CHODL: variants seen among roughly 807,000 people sequenced by gnomAD.
CHODL encodes chondrolectin.
In CHODL, 29 loss-of-function variants were observed where a neutral mutation model predicts 34.5. That is an observed-to-expected ratio of 0.84 (90% CI 0.63 to 1.15). CHODL has a LOEUF of 1.15. Ranked by LOEUF, CHODL falls within the 50% of genes most tolerant of loss-of-function variation. CHODL has a pLI of 0.00. For missense variants in CHODL, 332 were observed against 332.5 expected (o/e 1.00, Z 0.01); for synonymous variants, 125 against 116.1 (o/e 1.08, Z -0.49).
chr21:18,187,704 T>C (rs1158708280), intron 2 of CHODL, among the ~76,000 whole-genome samples: 1 of 152,180 alleles, frequency 6.6e-6, no homozygotes, highest in Non-Finnish European at 1.5e-5. Flanking sequence ...TGAAATTATC[T>C]CTGTTCTATT....
At chr21:17,947,909 C>T (rs540859216) in intron 1 of CHODL, among the ~76,000 whole-genome samples, 1 of 152,260 alleles carries the variant, frequency 6.6e-6, no homozygotes, top group South Asian at 2.1e-4. Context: ...TCTAAGTGTG[C>T]ATCAGCAGAT....
At position 17,980,453 on chromosome 21, in the gene CHODL, T is replaced by G. The variant is rs1265845996; in HGVS notation, c.-144-47419T>G. On this transcript the variant is annotated intron_variant, in intron 1 of 6. Coordinates refer to the CHODL transcript ENST00000400127. Reference sequence around the variant, plus strand: ...CTGTGGTCATTTGACTGGACTAATATTTTCATCAACTGATAAAGAATTTAA... The same window carrying G: ...CTGTGGTCATTTGACTGGACTAATAGTTTCATCAACTGATAAAGAATTTAA... Among the ~76,000 whole-genome samples, 4 of 152,170 alleles carry G rather than the reference T, an allele frequency of 2.6e-5. No homozygotes were observed. In the East Asian group the frequency reaches 7.7e-4, roughly 29 times the overall value.
chr21:18,165,827 G>A (rs902835641), intron 2 of CHODL, among the ~76,000 whole-genome samples: 1 of 152,022 alleles, frequency 6.6e-6, no homozygotes, highest in African/African-American at 2.4e-5. Flanking sequence ...TGACTCCTGT[G>A]GCCATTTTTA....
At position 18,256,950 on chromosome 21, in the gene CHODL, C is replaced by T. The variant is rs1196228616; in HGVS notation, c.390-20C>T. On this transcript the variant is annotated intron_variant, in intron 2 of 5. Coordinates refer to ENST00000299295, the MANE Select transcript of CHODL (RefSeq NM_024944.3). The stretch of plus-strand genomic sequence containing the variant: ...TTAGTAGGCATGTATCTGAGTGTTC[C>T]TATTACTCTCTGTTTGCAGAAACTG... 11 of 1,607,628 alleles carry T rather than the reference C, an allele frequency of 6.8e-6. No homozygotes were observed. Among genetic ancestry groups the T allele is most frequent in the African/African-American group, 4.0e-5 (3 of 74,822 alleles).
At chr21:17,926,917 C>T (rs551390661) in intron 1 of CHODL, among the ~76,000 whole-genome samples, 35 of 151,834 alleles carry the variant, frequency 2.3e-4, no homozygotes, top group Middle Eastern at 3.4e-3. Context: ...GCAATCTGGG[C>T]CATTTTGGAA....
rs746512130 is a variant in CHODL, at chr21:18,265,937, TTTC to T, written c.738-14_738-12del. On this transcript the variant is annotated splice_polypyrimidine_tract_variant and intron_variant, in intron 5 of 5. Transcript: ENST00000299295. ...AAGAAATTTTAGGCACTAAACATTT[TTTC>T]TTATGTTTTTCAGTAAAGGAAGAAC... 2 of 1,603,474 alleles carry T rather than the reference TTTC, an allele frequency of 1.2e-6. No homozygotes were observed. The highest frequency in any genetic ancestry group is 1.7e-6 in the Non-Finnish European group (2 of 1,175,648).
intron 1 of CHODL, among the ~76,000 whole-genome samples, chr21:18,248,913 A>AT (rs2074192101): frequency 1.7e-5 from 2 of 117,222 alleles, no homozygotes; most frequent in Non-Finnish European, 3.2e-5. Context: ...TATATGTATA[A>AT]TACATATATA....
chr21:18,079,417 A>T (rs1412467579), intron 2 of CHODL, among the ~76,000 whole-genome samples: 2 of 147,746 alleles, frequency 1.4e-5, no homozygotes, highest in East Asian at 3.9e-4. Context: ...ACATATATAT[A>T]CCATAGAATA....
At chr21:18,112,292 T>C (rs1465367320) in intron 2 of CHODL, among the ~76,000 whole-genome samples, 2 of 152,136 alleles carry the variant, frequency 1.3e-5, no homozygotes, top group Non-Finnish European at 2.9e-5. Context: ...AAATATTCCA[T>C]GTTCATGGGT....
intron 1 of CHODL, among the ~76,000 whole-genome samples, chr21:17,922,885 C>T (rs778440429): frequency 7.9e-5 from 12 of 152,052 alleles, no homozygotes; most frequent in Non-Finnish European, 1.3e-4. Flanking sequence ...GGTCAGAGCA[C>T]AGCTTGCTTT....
chr21:17,926,988 A>G lies in CHODL; in HGVS notation c.-145+9588A>G, dbSNP rs148595143. On this transcript the variant is annotated intron_variant, in intron 1 of 6. Transcript: ENST00000400127. ...CTTTTAAATACACAGACACACACAC[A>G]CACACGCACACACACACAGACATAC... Among the ~76,000 whole-genome samples the G allele has an allele frequency of 8.1e-3, 1,223 of 151,172 alleles. 21 individuals are homozygous for G. Among genetic ancestry groups the G allele is most frequent in the African/African-American group, 0.028 (1,131 of 40,678 alleles).
At chr21:18,009,546 T>C (rs1568842512) in intron 1 of CHODL, among the ~76,000 whole-genome samples, 1 of 152,098 alleles carries the variant, frequency 6.6e-6, no homozygotes, top group African/African-American at 2.4e-5. Flanking sequence ...ATCTATAATT[T>C]AAGACTCCAC....
chr21:17,990,535 G>T (rs377306787), intron 1 of CHODL, among the ~76,000 whole-genome samples: 1 of 151,950 alleles, frequency 6.6e-6, no homozygotes, highest in Non-Finnish European at 1.5e-5. Context: ...TTTCCACTAC[G>T]GTTTCAAGTA....
At chr21:18,263,208 T>A (rs1405818447) in intron 5 of CHODL, among the ~76,000 whole-genome samples, 1 of 152,160 alleles carries the variant, frequency 6.6e-6, no homozygotes, top group East Asian at 1.9e-4. Context: ...GTTTGTAAAC[T>A]TCCAACATAT....
intron 1 of CHODL, among the ~76,000 whole-genome samples, chr21:17,957,984 T>C (rs1034732756): frequency 6.6e-6 from 1 of 151,962 alleles, no homozygotes; most frequent in Non-Finnish European, 1.5e-5. Context: ...TTAGTACAGA[T>C]TGTTATTGAT....
chr21:18,128,339 A>AAG (rs2072606363), intron 2 of CHODL, among the ~76,000 whole-genome samples: 2 of 123,046 alleles, frequency 1.6e-5, no homozygotes, highest in Non-Finnish European at 1.7e-5. Context: ...AAAAAAAAAA[A>AAG]AAGAAGAAGA....
chr21:18,260,221 T>G lies in CHODL; in HGVS notation c.569T>G (p.Val190Gly). ...YEPEINPTAPVEKPYLTNQPG... is the reference protein window; with the variant it reads ...YEPEINPTAPGEKPYLTNQPG... ...ACAGAGATTAATCCAACAGCCCCTG[T>G]AGAAAAGCCTTATCTTACAAATCAA... Residue 190 changes from valine (V) to glycine (G), a missense_variant, in exon 4 of 6, where the codon GTA becomes GGA. Physicochemically the swap from Val to Gly is moderately radical, Grantham distance 109 (BLOSUM62 -3). Coordinates refer to ENST00000299295, the MANE Select transcript of CHODL (RefSeq NM_024944.3). 1 of 1,577,242 alleles carries G rather than the reference T, an allele frequency of 6.3e-7. No individual in the cohort carries two copies. Among genetic ancestry groups the G allele is most frequent in the Non-Finnish European group, 8.6e-7 (1 of 1,164,200 alleles).
chr21:18,242,634 A>T (rs1483769630), upstream of CHODL, among the ~76,000 whole-genome samples: 1 of 152,214 alleles, frequency 6.6e-6, no homozygotes, highest in East Asian at 1.9e-4. Flanking sequence ...TCATATCTAA[A>T]AAGAACCTGT....
At chr21:18,004,783 A>G (rs1463891159) in intron 1 of CHODL, among the ~76,000 whole-genome samples, 3 of 152,058 alleles carry the variant, frequency 2.0e-5, no homozygotes, top group African/African-American at 7.2e-5. Context: ...AACAGAAATG[A>G]TATCTTCCTT....
Sources: allele counts gnomAD v4.1 joint callset (sites outside exome capture counted in the v4.1 genomes callset), GRCh38; gene constraint gnomAD v4.1.1; transcripts MANE v1.5; gene names NCBI Gene and HGNC (gene_info 2026-07-23, HGNC 2026-07-21).